GREB1: variants seen among roughly 807,000 people sequenced by gnomAD.
GREB1 encodes protein GREB1.
In GREB1, 106 loss-of-function variants were observed where a neutral mutation model predicts 200.7. That is an observed-to-expected ratio of 0.53 (90% CI 0.45 to 0.62). The LOEUF (loss-of-function observed/expected upper bound fraction) is 0.62, where lower values mean the gene tolerates loss of function less well. GREB1 is among the 20% of genes least tolerant of loss of function. The pLI, the probability that GREB1 is intolerant of heterozygous loss-of-function variation, is 0.00. For synonymous variants in GREB1, 1,132 were observed against 1,092.4 expected, an observed-to-expected ratio of 1.04 and a Z score of -0.72; for missense variants, 2,243 against 2,556.8, an observed-to-expected ratio of 0.88 and a Z score of 2.65.
intron 3 of GREB1, 157 bp downstream of exon 3, chr2:11,562,739 A>G: frequency 9.7e-6 from 8 of 828,392 alleles, no homozygotes; most frequent in African/African-American, 1.8e-5. Flanking sequence ...CTGGGCCCGC[A>G]GCAGGTGCTG....
At chr2:11,513,986 G>C (rs766236309) in intron 1 of GREB1, among the ~76,000 whole-genome samples, 1 of 152,226 alleles carries the variant, frequency 6.6e-6, no homozygotes, top group Admixed American at 6.5e-5. Context: ...CATCCTAAGA[G>C]GGGAGGATGA....
In GREB1 at chr2:11,492,118, T is replaced by C. The variant is rs1364314745; in HGVS notation, c.-159+9737T>C. ...CCAGCCGTCTGGTTGACTCCCTGCCTGGCTACCATGCATCGTTTCCATGGT... is the reference window on the plus strand; with the variant it reads ...CCAGCCGTCTGGTTGACTCCCTGCCCGGCTACCATGCATCGTTTCCATGGT... On this transcript the variant is annotated intron_variant, in intron 1 of 2. Coordinates refer to the GREB1 transcript ENST00000628795. The surrounding 1 kb of genome is among the most constrained non-coding windows in gnomAD (Gnocchi z 4.0). Among the ~76,000 whole-genome samples, 1 of 152,160 alleles carries C rather than the reference T, an allele frequency of 6.6e-6. No individual in the cohort carries two copies. Among genetic ancestry groups the C allele is most frequent in the Non-Finnish European group, 1.5e-5 (1 of 68,016 alleles).
intron 1 of GREB1, among the ~76,000 whole-genome samples, chr2:11,483,440 G>C (rs897079517): frequency 4.0e-5 from 6 of 150,706 alleles, no homozygotes; most frequent in Non-Finnish European, 7.4e-5. Flanking sequence ...GTATTGCAAG[G>C]GTGTGTGTGT....
At chr2:11,546,643 T>A (rs1675307330) in intron 1 of GREB1, among the ~76,000 whole-genome samples, 1 of 152,156 alleles carries the variant, frequency 6.6e-6, no homozygotes, top group Non-Finnish European at 1.5e-5. Context: ...TCTCAAGTGG[T>A]TCTGGGAGAA....
chr2:11,634,028 G>C, intron 28 of GREB1, 103 bp from the exon 29 acceptor site: 1 of 1,085,542 alleles, frequency 9.2e-7, no homozygotes, highest in Non-Finnish European at 1.4e-6. Context: ...GCCCGTCCAG[G>C]TGTTCACGGC....
chr2:11,535,865 G>C (rs1674268853), intron 1 of GREB1, among the ~76,000 whole-genome samples: 1 of 152,140 alleles, frequency 6.6e-6, no homozygotes, highest in Non-Finnish European at 1.5e-5. Flanking sequence ...ATTTTGCCTG[G>C]ATATGGATGT....
In GREB1 at chr2:11,627,113, C is replaced by T. The variant is rs1328966797; in HGVS notation, c.4449+9C>T. 1.7e-5 allele frequency: 26 copies of T among 1,572,750 alleles called. No homozygotes were observed. The highest frequency in any genetic ancestry group is 2.2e-5 in the Non-Finnish European group (26 of 1,159,148). On this transcript the variant is annotated intron_variant, in intron 25 of 32. Coordinates refer to ENST00000381486, the MANE Select transcript of GREB1 (RefSeq NM_014668.4). Reference sequence around the variant, plus strand: ...TCCACCCCCGCTACCAGGTAGGCCCCAGCAGTTCCCCACCAGGCATTTCAC... The same window carrying T: ...TCCACCCCCGCTACCAGGTAGGCCCTAGCAGTTCCCCACCAGGCATTTCAC...
chr2:11,627,139 CT>C, intron 25 of GREB1, 35 bp downstream of exon 25: 1 of 1,540,446 alleles, frequency 6.5e-7, no homozygotes, highest in Non-Finnish European at 8.8e-7. Context: ...GGCATTTCAC[CT>C]TGGCTCACAT....
chr2:11,508,442 G>A (rs1207863125), intron 1 of GREB1, among the ~76,000 whole-genome samples: 2 of 152,282 alleles, frequency 1.3e-5, no homozygotes, highest in African/African-American at 4.8e-5. Context: ...AGCAGAACGG[G>A]CTTTGCACAC....
rs181803665 is a variant in GREB1, at chr2:11,580,469, T to C, written c.773-235T>C. ...ATGTTTGTGCATGTGTATCCTTGTG[T>C]GTAGGCAGAAGTGTGTATGTGTGTA... On this transcript the variant is annotated intron_variant, in intron 6 of 32. Transcript: ENST00000381486. This position sits in a 1 kb window ranked among gnomAD's most constrained non-coding sequence, Gnocchi z 4.5. Among the ~76,000 whole-genome samples, 1 of 152,320 alleles carries C rather than the reference T, an allele frequency of 6.6e-6. No individual in the cohort carries two copies. The highest frequency in any genetic ancestry group is 2.4e-5 in the African/African-American group (1 of 41,568).
rs1176278415 is a variant in GREB1 at position 11,641,584 on chromosome 2, C to G, written c.*1130C>G. On this transcript the variant is annotated 3_prime_UTR_variant, in exon 33 of 33. Coordinates refer to ENST00000381486, the MANE Select transcript of GREB1 (RefSeq NM_014668.4). The stretch of plus-strand genomic sequence containing the variant: ...CACTGCAAGCTCCGCCTCCCGGGTT[C>G]TCACCATTCTCCTGCCTCAGCCTCC... 2.0e-5 allele frequency: 3 copies of G among 152,244 alleles called. No homozygotes were observed. The highest frequency in any genetic ancestry group is 2.0e-4 in the Admixed American group (3 of 15,274). The allele number at this position is 152,244 out of a possible 1,614,324, so 9.4% of individuals were successfully genotyped here.
chr2:11,615,441 G>A, intron 20 of GREB1, 151 bp downstream of exon 20: 1 of 633,758 alleles, frequency 1.6e-6, no homozygotes, highest in Non-Finnish European at 2.7e-6. Context: ...CTGGATGAGA[G>A]GTCTCCAGTG....
chr2:11,638,621 T>C, intron 31 of GREB1, 50 bp from the exon 32 acceptor site: 1 of 1,584,290 alleles, frequency 6.3e-7, no homozygotes, highest in South Asian at 1.1e-5. Context: ...ATAATGTTAC[T>C]GAGCATTTCA....
chr2:11,485,279 T>A (rs1310327973), intron 1 of GREB1, among the ~76,000 whole-genome samples: 64 of 142,310 alleles, frequency 4.5e-4, no homozygotes, highest in African/African-American at 1.6e-3. Context: ...ATATGTATTT[T>A]TTTTTTTTTT....
rs1680264970 is a variant in GREB1, at chr2:11,587,693, T to TC, written c.1160-1053_1160-1052insC. ...TAAATGGAGTACCTGGAGTACAAGA[T>TC]AACACACACACACACACACACACAC... On this transcript the variant is annotated intron_variant, in intron 9 of 32. Coordinates refer to ENST00000381486, the MANE Select transcript of GREB1 (RefSeq NM_014668.4). 1,185 of 980,354 alleles carry TC rather than the reference T, an allele frequency of 1.2e-3. 29 individuals are homozygous for TC. In the African/African-American group the frequency reaches 0.021, roughly 17 times the overall value. 60.7% of individuals were successfully genotyped at this position (980,354 alleles called of 1,614,324 possible).
Position 11,632,776 on chromosome 2 carries a change from G to A in GREB1, c.4817-113G>A, listed in dbSNP as rs555408407. 2.3e-5 allele frequency: 18 copies of A among 784,840 alleles called. No homozygotes were observed. In the African/African-American group the frequency reaches 3.1e-4, roughly 13 times the overall value. 48.6% of individuals were successfully genotyped at this position (784,840 alleles called of 1,614,324 possible). ...TTTTGTGACAGGTGATTCATGTCAGGAAGGTCGGGGCTGGCTTGTCTGGGC... is the reference window on the plus strand; with the variant it reads ...TTTTGTGACAGGTGATTCATGTCAGAAAGGTCGGGGCTGGCTTGTCTGGGC... On this transcript the variant is annotated intron_variant, in intron 27 of 32. Transcript: ENST00000381486.
chr2:11,619,566 T>G (rs574265822), intron 22 of GREB1, among the ~76,000 whole-genome samples: 1 of 152,364 alleles, frequency 6.6e-6, no homozygotes, highest in African/African-American at 2.4e-5. Flanking sequence ...GAGTCTCCCT[T>G]CTTCCATACC....
intron 1 of GREB1, among the ~76,000 whole-genome samples, chr2:11,551,713 T>C (rs1475492698): frequency 6.6e-6 from 1 of 152,192 alleles, no homozygotes; most frequent in African/African-American, 2.4e-5. Flanking sequence ...CTCAGTGGTC[T>C]AGTGGTTAGG....
In GREB1 at chr2:11,631,951, G is replaced by T. The variant is rs567609964; in HGVS notation, c.4654G>T (p.Gly1552Cys). 4 of 1,613,902 alleles carry T rather than the reference G, an allele frequency of 2.5e-6. No individual in the cohort carries two copies. Among genetic ancestry groups the T allele is most frequent in the Non-Finnish European group, 3.4e-6 (4 of 1,179,974 alleles). ...IKSPTFTPTT[G>C]RHEHGLFNLY... is the part of the protein sequence containing the mutation. ...AAGTCCGACATTCACTCCAACCACC[G>T]GCCGTCACGAACATGGGCTCTTTAA... The change falls in exon 27 of 33, where the codon GGC (glycine) becomes TGC (cysteine). Residue 1552 changes from glycine to cysteine, a missense_variant. Around this residue, in one of 3 missense-constraint regions of GREB1, gnomAD observed 478 missense variants for 616.3 expected, o/e 0.78. Transcript: ENST00000381486.
Sources: gnomAD v4.1 joint callset for allele counts (sites outside exome capture counted in the v4.1 genomes callset) on GRCh38, gnomAD v4.1.1 for gene constraint, gnomAD v4.1.1 regional missense constraint, Gnocchi (gnomAD v3.1) non-coding constraint, MANE v1.5 for transcripts, NCBI Gene and HGNC (gene_info 2026-07-23, HGNC 2026-07-21) for gene names.